Variants in ADAMTS19 observed in about 807,000 individuals in gnomAD.
ADAMTS19 encodes the protein A disintegrin and metalloproteinase with thrombospondin motifs 19.
A neutral mutation model predicts 153.3 loss-of-function variants in ADAMTS19; 93 were observed. The ratio of observed to expected loss-of-function variants is 0.61; its 90% CI spans 0.51 to 0.72. The LOEUF is 0.72. ADAMTS19 is among the 30% of genes least tolerant of loss of function. ADAMTS19 has a pLI of 0.00. For synonymous variants in ADAMTS19, 600 were observed against 556.6 expected (o/e 1.08, Z -1.10); for missense variants, 1,482 against 1,552.1 (o/e 0.95, Z 0.76).
intron 2 of ADAMTS19, among the ~76,000 whole-genome samples, chr5:129,481,007 G>A (rs770712476): frequency 5.3e-5 from 8 of 152,146 alleles, no homozygotes; most frequent in Non-Finnish European, 1.0e-4. Context: ...AATTGTAGTG[G>A]TTGTTACATG....
intron 20 of ADAMTS19, among the ~76,000 whole-genome samples, chr5:129,702,084 A>T (rs1345199541): frequency 1.3e-5 from 2 of 152,218 alleles, no homozygotes; most frequent in Non-Finnish European, 2.9e-5. Flanking sequence ...GAAAGTAAAT[A>T]GTTTACCCTA....
intron 2 of ADAMTS19, among the ~76,000 whole-genome samples, chr5:129,472,568 A>C (rs1281503989): frequency 6.6e-6 from 1 of 152,280 alleles, no homozygotes; most frequent in Admixed American, 6.5e-5. Context: ...GGAAGATAAC[A>C]CAATGGAACG....
intron 2 of ADAMTS19, among the ~76,000 whole-genome samples, chr5:129,501,156 T>C (rs916615832): frequency 3.3e-5 from 5 of 152,140 alleles, no homozygotes; most frequent in Non-Finnish European, 5.9e-5. Flanking sequence ...GTTTAAATTC[T>C]GGTTGTATGA....
chr5:129,713,002 T>G (rs1270040267), intron 21 of ADAMTS19, among the ~76,000 whole-genome samples: 1 of 152,228 alleles, frequency 6.6e-6, no homozygotes, highest in East Asian at 1.9e-4. Flanking sequence ...CTAGCACAAT[T>G]ACTAGACTAT....
At position 129,701,424 on chromosome 5, in the gene ADAMTS19, T is replaced by G. The variant is rs1270864187; in HGVS notation, c.2991T>G (p.Thr997=). 6.2e-7 allele frequency: 1 copy of G among 1,614,086 alleles called. No individual in the cohort carries two copies. Among genetic ancestry groups the G allele is most frequent in the Non-Finnish European group, 8.5e-7 (1 of 1,180,042 alleles). Residue 997 remains threonine, a synonymous_variant, in exon 20 of 23, where the codon ACT becomes ACG. Coordinates refer to ENST00000274487, the MANE Select transcript of ADAMTS19 (RefSeq NM_133638.6). ...CAGAATGGACCCCTTGTTCACGAAC[T>G]TGTGGAAAAGGAATGCAGAGCAGAC... ...MMTEWTPCSR[T]CGKGMQSRQV...
intron 7 of ADAMTS19, among the ~76,000 whole-genome samples, chr5:129,583,486 A>T (rs1749626914): frequency 6.6e-6 from 1 of 151,916 alleles, no homozygotes; most frequent in Non-Finnish European, 1.5e-5. Flanking sequence ...GTTCTCCTGG[A>T]TAATATCCTG....
At chr5:129,549,722 G>T (rs574392048) in intron 6 of ADAMTS19, among the ~76,000 whole-genome samples, 2 of 150,634 alleles carry the variant, frequency 1.3e-5, no homozygotes, top group African/African-American at 4.9e-5. Flanking sequence ...AGCATATATG[G>T]AACTGCACTC....
intron 7 of ADAMTS19, among the ~76,000 whole-genome samples, chr5:129,562,878 C>CT (rs941050196): frequency 6.3e-4 from 94 of 150,212 alleles, no homozygotes; most frequent in African/African-American, 1.9e-3. Flanking sequence ...AACATCCTAA[C>CT]TTTTTTTTTT....
At chr5:129,486,791 C>A (rs1750609415) in intron 2 of ADAMTS19, among the ~76,000 whole-genome samples, 1 of 152,008 alleles carries the variant, frequency 6.6e-6, no homozygotes, top group Non-Finnish European at 1.5e-5. Flanking sequence ...AATTAAAAAT[C>A]AGAAGCAGGA....
intron 19 of ADAMTS19, among the ~76,000 whole-genome samples, chr5:129,697,485 T>A (rs2127152980): frequency 6.6e-6 from 1 of 152,318 alleles, no homozygotes; most frequent in Admixed American, 6.5e-5. Flanking sequence ...AGGAAAATGA[T>A]ATATAAAAGG....
intron 21 of ADAMTS19, among the ~76,000 whole-genome samples, chr5:129,723,092 T>C (rs914968407): frequency 6.6e-6 from 1 of 152,214 alleles, no homozygotes; most frequent in Non-Finnish European, 1.5e-5. Flanking sequence ...CCAAACCCTG[T>C]CTGCTCAGTG....
chr5:129,680,031 T>A, intron 17 of ADAMTS19, 110 bp downstream of exon 17: 3 of 1,178,328 alleles, frequency 2.5e-6, no homozygotes, highest in Non-Finnish European at 3.4e-6. Flanking sequence ...CACAGACATT[T>A]AAAATTATTT....
At chr5:129,480,999 T>A (rs1270231518) in intron 2 of ADAMTS19, among the ~76,000 whole-genome samples, 1 of 152,156 alleles carries the variant, frequency 6.6e-6, no homozygotes, top group East Asian at 1.9e-4. Context: ...TATATAATAA[T>A]TGTAGTGGTT....
intron 2 of ADAMTS19, among the ~76,000 whole-genome samples, chr5:129,470,976 A>G (rs1027653736): frequency 1.3e-5 from 2 of 151,132 alleles, no homozygotes; most frequent in Non-Finnish European, 2.9e-5. Flanking sequence ...AAATAAGACC[A>G]CTTCTGCAGT....
At chr5:129,652,727 G>A (rs1753371610) in intron 13 of ADAMTS19, among the ~76,000 whole-genome samples, 1 of 152,204 alleles carries the variant, frequency 6.6e-6, no homozygotes, top group Non-Finnish European at 1.5e-5. Flanking sequence ...CTTGGAATAT[G>A]AATGGAATTT....
At chr5:129,596,442 G>T (rs1158198985) in intron 7 of ADAMTS19, 117 bp from the exon 8 acceptor site, 3 of 699,252 alleles carry the variant, frequency 4.3e-6, no homozygotes, top group Non-Finnish European at 6.9e-6. Flanking sequence ...AGATTTCACA[G>T]ATTAATACTG....
At chr5:129,659,863 T>C (rs183780633) in intron 15 of ADAMTS19, among the ~76,000 whole-genome samples, 4 of 152,284 alleles carry the variant, frequency 2.6e-5, no homozygotes, top group Non-Finnish European at 5.9e-5. Context: ...GCTGAGATTA[T>C]AGGCATGAGC....
chr5:129,651,387 G>C (rs1753307717), intron 13 of ADAMTS19, among the ~76,000 whole-genome samples: 1 of 152,038 alleles, frequency 6.6e-6, no homozygotes, highest in Non-Finnish European at 1.5e-5. Flanking sequence ...TTGCTTTTCA[G>C]TTGCACAAAC....
Position 129,723,322 on chromosome 5 carries a change from C to T in ADAMTS19, c.3313-11610C>T, listed in dbSNP as rs369244804. ...TATTTTCAGGTAAAATAAAGTCATT[C>T]GGCTCTTATTACCTGGCATAAGAAT... is the stretch of plus-strand genomic sequence containing the variant. On this transcript the variant is annotated intron_variant, in intron 21 of 22. Transcript: ENST00000274487. 1.3e-4 allele frequency among the ~76,000 whole-genome samples: 20 copies of T among 152,198 alleles called. No individual in the cohort carries two copies. In the South Asian group the frequency reaches 1.5e-3, roughly 11 times the overall value.
Sources: allele counts gnomAD v4.1 joint callset (sites outside exome capture counted in the v4.1 genomes callset), GRCh38; gene constraint gnomAD v4.1.1; transcripts MANE v1.5; gene names NCBI Gene and HGNC (gene_info 2026-07-23, HGNC 2026-07-21).